Variants in C3orf20 observed in about 807,000 individuals in gnomAD.
C3orf20 encodes the protein family with sequence similarity 149 member C, also known as uncharacterized protein C3orf20.
C3orf20 carries 76 observed loss-of-function variants against 88.3 expected under a neutral mutation model. The observed-to-expected ratio is 0.86, with a 90% CI of 0.72 to 1.04. C3orf20 has a LOEUF of 1.04. Among genes scored for constraint, C3orf20 ranks in the 50% least tolerant of loss-of-function variants. The pLI is 0.00. For synonymous variants in C3orf20, 436 were observed against 437.4 expected (o/e 1.00, Z 0.04); for missense variants, 1,056 against 1,123.3 (o/e 0.94, Z 0.86).
At chr3:14,678,738 C>T (rs1156762500) in intron 1 of C3orf20, among the ~76,000 whole-genome samples, 1 of 152,290 alleles carries the variant, frequency 6.6e-6, no homozygotes, top group South Asian at 2.1e-4. Context: ...TTTTCCGTTT[C>T]TGGCATGTAG....
intron 5 of C3orf20, among the ~76,000 whole-genome samples, chr3:14,696,025 CTGGTTGTTTTG>C: frequency 6.6e-6 from 1 of 151,690 alleles, no homozygotes; most frequent in Non-Finnish European, 1.5e-5. Context: ...TGTTGTTTCT[CTGGTTGTTTTG>C]TGGTCTTCTC....
chr3:14,676,657 C>T (rs764895074), intron 1 of C3orf20, among the ~76,000 whole-genome samples: 1 of 152,162 alleles, frequency 6.6e-6, no homozygotes, highest in Non-Finnish European at 1.5e-5. Flanking sequence ...CCTGGGGTGC[C>T]ACTTTCATAA....
chr3:14,739,074 AGCCACTGT>A lies in C3orf20; in HGVS notation c.1940+10390_1940+10397del, dbSNP rs1340086400. 2.0e-5 allele frequency among the ~76,000 whole-genome samples: 3 copies of A among 152,026 alleles called. No homozygotes were observed. In the East Asian group the frequency reaches 5.8e-4, roughly 29 times the overall value. On this transcript the variant is annotated intron_variant, in intron 12 of 16. Coordinates refer to ENST00000253697, the MANE Select transcript of C3orf20 (RefSeq NM_032137.5). ...CCAAAGTGCTGGAATTACAGGCATG[AGCCACTGT>A]GCCTGGCTCACAAATATTCTTAATG...
At chr3:14,724,094 C>G (rs1440643265) in intron 10 of C3orf20, among the ~76,000 whole-genome samples, 5 of 152,128 alleles carry the variant, frequency 3.3e-5, no homozygotes, top group African/African-American at 4.8e-5. Flanking sequence ...GCTGGGATTA[C>G]AGGCGTGAGC....
intron 7 of C3orf20, among the ~76,000 whole-genome samples, chr3:14,705,708 G>C (rs1208135899): frequency 6.6e-6 from 1 of 152,194 alleles, no homozygotes; most frequent in Non-Finnish European, 1.5e-5. Flanking sequence ...CAAGGACTCT[G>C]AGGCCAGAGA....
In C3orf20 at chr3:14,690,065, G is replaced by A. The variant is rs377496570; in HGVS notation, c.694G>A (p.Ala232Thr). Residue 232 changes from alanine to threonine, a missense_variant, in exon 5 of 17, where the codon GCC becomes ACC. Ala to Thr is a moderately conservative substitution (Grantham distance 58). Transcript: ENST00000253697. ...CCAGCTGATCTACCACTCTTCCACA[G>A]CCTGTCTGAGCTTTTCTCTCTCTGC... ...PYQLIYHSST[A>T]CLSFSLSAGK... 14 of 1,614,094 alleles carry A rather than the reference G, an allele frequency of 8.7e-6. No individual in the cohort carries two copies. The African/African-American group carries it at 1.5e-4, about 17-fold the overall frequency.
rs979705640 is a variant in C3orf20 at position 14,701,239 on chromosome 3, G to T, written c.746-1891G>T. Among the ~76,000 whole-genome samples the T allele has an allele frequency of 1.3e-5, 2 of 152,148 alleles. No individual in the cohort carries two copies. The highest frequency in any genetic ancestry group is 3.9e-4 in the East Asian group (2 of 5,194). ...ACTCAGGGTGGCAGATACCAGAGAT[G>T]GTTCCCAAGCACTGGCCAGAAACCC... is the stretch of plus-strand genomic sequence containing the variant. On this transcript the variant is annotated intron_variant, in intron 5 of 16. Coordinates refer to ENST00000253697, the MANE Select transcript of C3orf20 (RefSeq NM_032137.5). This position sits in a 1 kb window ranked among gnomAD's most constrained non-coding sequence, Gnocchi z 4.6.
chr3:14,694,377 T>G (rs2032875194), intron 5 of C3orf20, among the ~76,000 whole-genome samples: 1 of 152,188 alleles, frequency 6.6e-6, no homozygotes. Flanking sequence ...TTGTTATTGG[T>G]CTGTTCAGGT....
chr3:14,706,268 C>T (rs2033499795), intron 7 of C3orf20, among the ~76,000 whole-genome samples: 1 of 152,088 alleles, frequency 6.6e-6, no homozygotes, highest in Admixed American at 6.5e-5. Flanking sequence ...CTGCTTGCAG[C>T]GCATCCCTCC....
At chr3:14,727,611 G>T (rs2034399088) in intron 11 of C3orf20, among the ~76,000 whole-genome samples, 1 of 152,070 alleles carries the variant, frequency 6.6e-6, no homozygotes, top group Non-Finnish European at 1.5e-5. Flanking sequence ...CCCTGGCTGG[G>T]CATGGAGGGG....
At chr3:14,679,359 G>C (rs1272040746) in intron 1 of C3orf20, among the ~76,000 whole-genome samples, 1 of 152,220 alleles carries the variant, frequency 6.6e-6, no homozygotes, top group Non-Finnish European at 1.5e-5. Context: ...GATCTAACAT[G>C]GCTGGGGGTC....
At chr3:14,677,419 A>G (rs977809952) in intron 1 of C3orf20, among the ~76,000 whole-genome samples, 3 of 151,982 alleles carry the variant, frequency 2.0e-5, no homozygotes, top group African/African-American at 7.3e-5. Context: ...TTGCACCATC[A>G]TGTACCCCTG....
chr3:14,748,580 G>A (rs1476366579), intron 12 of C3orf20, among the ~76,000 whole-genome samples: 2 of 151,964 alleles, frequency 1.3e-5, no homozygotes, highest in African/African-American at 4.8e-5. Flanking sequence ...TTTAATGTAG[G>A]CATTTACAGC....
At chr3:14,728,751 T>G in intron 12 of C3orf20, 63 bp downstream of exon 12, 1 of 1,563,678 alleles carries the variant, frequency 6.4e-7, no homozygotes, top group Non-Finnish European at 8.7e-7. Flanking sequence ...GGGCACAGGA[T>G]AGTGAACCCA....
intron 14 of C3orf20, 96 bp from the exon 15 acceptor site, chr3:14,761,377 G>C: frequency 7.0e-7 from 1 of 1,436,502 alleles, no homozygotes; most frequent in Non-Finnish European, 9.7e-7. Flanking sequence ...GGCCTGTGGC[G>C]CTGTTCTAGT....
chr3:14,693,338 T>C (rs1307504592), intron 5 of C3orf20, among the ~76,000 whole-genome samples: 8 of 152,216 alleles, frequency 5.3e-5, no homozygotes, highest in Admixed American at 5.2e-4. Flanking sequence ...ACAATATTTA[T>C]TCTTCCAATC....
chr3:14,767,772 C>G (rs2035755153), intron 15 of C3orf20, among the ~76,000 whole-genome samples: 1 of 152,268 alleles, frequency 6.6e-6, no homozygotes, highest in Non-Finnish European at 1.5e-5. Context: ...CAGAAAGCAT[C>G]TTCTACACTG....
rs1379590693 is a variant in C3orf20, at chr3:14,710,355, C to T, written c.1161-3652C>T. On this transcript the variant is annotated intron_variant, in intron 7 of 16. Transcript: ENST00000253697. ...ATTCTCAATTCTGTTTTTCTCCACT[C>T]TGATTCTTTATTGCTTTCTTCCATC... Among the ~76,000 whole-genome samples the T allele has an allele frequency of 2.0e-5, 3 of 151,980 alleles. No individual in the cohort carries two copies. The East Asian group carries it at 5.8e-4, about 29-fold the overall frequency.
intron 3 of C3orf20, 120 bp from the exon 4 acceptor site, chr3:14,684,122 A>G: frequency 7.3e-7 from 1 of 1,366,284 alleles, no homozygotes; most frequent in Non-Finnish European, 1.0e-6. Flanking sequence ...TCACCCCTGC[A>G]TACCCTAGGA....
Sources: gnomAD v4.1 joint callset for allele counts (sites outside exome capture counted in the v4.1 genomes callset) on GRCh38, gnomAD v4.1.1 for gene constraint, Gnocchi (gnomAD v3.1) non-coding constraint, MANE v1.5 for transcripts, NCBI Gene and HGNC (gene_info 2026-07-23, HGNC 2026-07-21) for gene names.